Variants in GLB1 observed in about 807,000 individuals in gnomAD.
GLB1 encodes galactosidase beta 1, also known as beta-galactosidase.
Under a neutral mutation model 74.0 loss-of-function variants are expected in GLB1, and 56 were observed. The observed-to-expected ratio is 0.76, with a 90% CI of 0.61 to 0.94. The LOEUF (loss-of-function observed/expected upper bound fraction) is 0.94. Among genes scored for constraint, GLB1 ranks in the 40% least tolerant of loss-of-function variants. The pLI, the probability that GLB1 is intolerant of heterozygous loss-of-function variation, is 0.00. For synonymous variants in GLB1, 323 were observed against 323.6 expected (o/e 1.00, Z 0.02); for missense variants, 787 against 845.5 (o/e 0.93, Z 0.86).
intron 9 of GLB1, among the ~76,000 whole-genome samples, chr3:33,050,807 G>A (rs190689984): frequency 3.3e-5 from 5 of 152,282 alleles, no homozygotes; most frequent in African/African-American, 1.2e-4. Flanking sequence ...AAAACAAAAC[G>A]TTAAAAGAAA....
Position 33,093,927 on chromosome 3 carries a change from A to T in GLB1, c.75+3084T>A. 2 of 1,614,146 alleles carry T rather than the reference A, an allele frequency of 1.2e-6. No homozygotes were observed. Among genetic ancestry groups the T allele is most frequent in the Non-Finnish European group, 1.7e-6 (2 of 1,180,022 alleles). On this transcript the variant is annotated intron_variant, in intron 1 of 15. Coordinates refer to ENST00000307363, the MANE Select transcript of GLB1 (RefSeq NM_000404.4). The surrounding 1 kb of genome is among the most constrained non-coding windows in gnomAD (Gnocchi z 6.0). ...GGAATGGGCCAGGGCCAGAAATGCC[A>T]GAACCACCACCTTCCAAAGCTGAAA... is the stretch of plus-strand genomic sequence containing the variant.
intron 6 of GLB1, among the ~76,000 whole-genome samples, chr3:33,054,867 C>G (rs1699149849): frequency 6.6e-6 from 1 of 152,146 alleles, no homozygotes; most frequent in African/African-American, 2.4e-5. Context: ...GAGCAGTGTC[C>G]ACACCAACCC....
In GLB1 at chr3:32,997,333, C is replaced by T. The variant is rs778375259; in HGVS notation, c.1746G>A (p.Trp582Ter). 1.9e-6 allele frequency: 3 copies of T among 1,612,912 alleles called. No individual in the cohort carries two copies. In the African/African-American group the frequency reaches 4.0e-5, roughly 22 times the overall value. Residue 582 changes from tryptophan (W) to a stop codon, truncating the protein, a stop_gained, in exon 16 of 16, where the codon TGG (tryptophan) becomes TGA (stop). Coordinates refer to ENST00000307363, the MANE Select transcript of GLB1 (RefSeq NM_000404.4). LOFTEE classifies it low-confidence loss of function (END_TRUNC). ...QFPGWTKGQV[W>*]INGFNLGRYW... is the part of the protein sequence containing the mutation. ...AGCGGCCAAGGTTAAAGCCATTAAT[C>T]CAGACCTGGCCCTGGAGAGAGAGAG...
chr3:33,076,743 G>A (rs951729028), intron 1 of GLB1, among the ~76,000 whole-genome samples: 1 of 152,178 alleles, frequency 6.6e-6, no homozygotes, highest in Admixed American at 6.5e-5. Context: ...TCAGTTCATC[G>A]TAATTTACAG....
In GLB1 at chr3:33,014,173, C is replaced by A; in HGVS notation, c.1617G>T (p.Trp539Cys). The change falls in exon 15 of 16, where the codon TGG becomes TGT. Residue 539 changes from tryptophan to cysteine, a missense_variant. By Grantham distance (215) the Trp-to-Cys change is radical. Coordinates refer to ENST00000307363, the MANE Select transcript of GLB1 (RefSeq NM_000404.4). The stretch of plus-strand genomic sequence containing the variant: ...GCGTGTAGTTGGATGAGTTGTGGGC[C>A]CAGGCTTCATCATGGTGGCCACTGT... ...HRDSGHHDEA[W>C]AHNSSNYTLP... The A allele has an allele frequency of 6.2e-7, 1 of 1,614,038 alleles. No individual in the cohort carries two copies. The highest frequency in any genetic ancestry group is 8.5e-7 in the Non-Finnish European group (1 of 1,179,998).
the GLB1 span, among the ~76,000 whole-genome samples, chr3:32,977,395 G>A: frequency 6.6e-6 from 1 of 151,956 alleles, no homozygotes; most frequent in African/African-American, 2.4e-5. Flanking sequence ...TAGTAGAGAT[G>A]AGGTTTCTCA....
intron 9 of GLB1, among the ~76,000 whole-genome samples, chr3:33,048,075 T>C (rs60782542): frequency 0.081 from 12,293 of 152,170 alleles, 1,150 homozygotes; most frequent in East Asian, 0.48. Context: ...TCTCTCTCCA[T>C]GCTACACTGC....
chr3:33,059,734 T>C (rs767467707), intron 5 of GLB1, among the ~76,000 whole-genome samples: 23 of 152,226 alleles, frequency 1.5e-4, no homozygotes, highest in Non-Finnish European at 2.8e-4. Flanking sequence ...GGTTGGTGTT[T>C]ATGTGGGTGT....
chr3:33,076,038 C>T (rs1264498337), intron 1 of GLB1, among the ~76,000 whole-genome samples: 1 of 142,074 alleles, frequency 7.0e-6, no homozygotes, highest in Non-Finnish European at 1.5e-5. Context: ...GTGCGAGACT[C>T]TGTCTCAAAA....
intron 5 of GLB1, among the ~76,000 whole-genome samples, chr3:33,058,484 CACT>C (rs1220137907): frequency 6.6e-6 from 1 of 152,064 alleles, no homozygotes; most frequent in Non-Finnish European, 1.5e-5. Flanking sequence ...CCTCTCCCAC[CACT>C]GAGAAATAAG....
At chr3:33,054,877 C>T (rs769479646) in intron 6 of GLB1, among the ~76,000 whole-genome samples, 116 of 152,180 alleles carry the variant, frequency 7.6e-4, no homozygotes, top group Admixed American at 1.0e-3. Flanking sequence ...CACACCAACC[C>T]GAGCAGAGAA....
intron 1 of GLB1, chr3:33,096,405 C>A: frequency 1.0e-6 from 1 of 973,482 alleles, no homozygotes; most frequent in Non-Finnish European, 1.2e-6. Context: ...TATTCCCCCC[C>A]TCAACCTGGA....
At chr3:33,082,011 G>A (rs1299596160) in intron 1 of GLB1, among the ~76,000 whole-genome samples, 4 of 152,186 alleles carry the variant, frequency 2.6e-5, no homozygotes, top group African/African-American at 9.7e-5. Context: ...GAAGGATCCT[G>A]CATTACCACC....
intron 10 of GLB1, among the ~76,000 whole-genome samples, chr3:33,040,456 A>T (rs895212891): frequency 2.6e-5 from 4 of 152,228 alleles, no homozygotes; most frequent in African/African-American, 9.6e-5. Flanking sequence ...AAAAAATAAA[A>T]AATAAATTAG....
intron 5 of GLB1, among the ~76,000 whole-genome samples, chr3:33,064,393 T>C (rs1387251441): frequency 1.4e-5 from 2 of 148,028 alleles, no homozygotes; most frequent in Non-Finnish European, 3.0e-5. Flanking sequence ...TGAGCCGAGA[T>C]TGTGCCACTG....
chr3:32,988,178 T>C, the GLB1 span, among the ~76,000 whole-genome samples: 2 of 95,064 alleles, frequency 2.1e-5, no homozygotes, highest in South Asian at 3.8e-4. Flanking sequence ...AGAGCAAGAC[T>C]CCATCTCAAA....
At chr3:33,038,946 A>G (rs1273596331) in intron 10 of GLB1, among the ~76,000 whole-genome samples, 13 of 152,138 alleles carry the variant, frequency 8.5e-5, no homozygotes, top group Admixed American at 8.5e-4. Flanking sequence ...CCTCTAGATG[A>G]GAAAAAACCC....
At chr3:33,018,683 A>G (rs1697345324) in intron 12 of GLB1, 122 bp from the exon 13 acceptor site, 3 of 1,042,530 alleles carry the variant, frequency 2.9e-6, no homozygotes, top group Middle Eastern at 5.3e-4. Flanking sequence ...ATCTTCCTCC[A>G]CCTCCCGAAA....
chr3:33,027,697 G>A (rs991707911), intron 10 of GLB1, among the ~76,000 whole-genome samples: 2 of 152,142 alleles, frequency 1.3e-5, no homozygotes, highest in African/African-American at 4.8e-5. Context: ...CATGAAAATC[G>A]CTTGAACCTG....
Sources: allele counts gnomAD v4.1 joint callset (sites outside exome capture counted in the v4.1 genomes callset), GRCh38; gene constraint gnomAD v4.1.1; non-coding constraint Gnocchi (gnomAD v3.1); transcripts MANE v1.5; gene names NCBI Gene and HGNC (gene_info 2026-07-23, HGNC 2026-07-21).